OLFML2B: variants seen among roughly 807,000 people sequenced by gnomAD.
OLFML2B encodes the protein olfactomedin like 2B, also known as olfactomedin-like protein 2B.
Under a neutral mutation model 74.9 loss-of-function variants are expected in OLFML2B, and 57 were observed. That is an observed-to-expected ratio of 0.76 (90% CI 0.61 to 0.95). The LOEUF (loss-of-function observed/expected upper bound fraction) is 0.95. OLFML2B is among the 40% of genes least tolerant of loss of function. OLFML2B has a pLI of 0.00. For missense variants in OLFML2B, 986 were observed against 970.6 expected (o/e 1.02, Z -0.21); for synonymous variants, 388 against 405.8 (o/e 0.96, Z 0.53).
In OLFML2B at chr1:161,983,972, A is replaced by T. The variant is rs1689508663; in HGVS notation, c.1956T>A (p.Asn652Lys). The T allele has an allele frequency of 6.2e-7, 1 of 1,614,050 alleles. No individual in the cohort carries two copies. Among genetic ancestry groups the T allele is most frequent in the African/African-American group, 1.3e-5 (1 of 74,914 alleles). Residue 652 changes from asparagine (N) to lysine (K), a missense_variant, in exon 8 of 8, where the codon AAT (asparagine) becomes AAA (lysine). Coordinates refer to ENST00000294794, the MANE Select transcript of OLFML2B (RefSeq NM_015441.3). ...CCTTCTGTGTGCTCAGGTCCGCGGC[A>T]TTGAGCTTGCTCAGGACAATGACCT... Reference protein sequence around the residue: ...SQEVIVLSKLNAADLSTQKET... With the variant: ...SQEVIVLSKLKAADLSTQKET...
chr1:161,990,381 G>T (rs1469488180), intron 6 of OLFML2B, among the ~76,000 whole-genome samples: 2 of 152,106 alleles, frequency 1.3e-5, no homozygotes, highest in Non-Finnish European at 2.9e-5. Context: ...TTGTGGATTT[G>T]GTTCCAGACC....
At chr1:162,001,561 A>G (rs1263426840) in intron 4 of OLFML2B, among the ~76,000 whole-genome samples, 2 of 152,232 alleles carry the variant, frequency 1.3e-5, no homozygotes, top group East Asian at 3.8e-4. Context: ...GCCTGCCTCC[A>G]GAGCTTGTTT....
At position 161,984,070 on chromosome 1, in the gene OLFML2B, C is replaced by T. The variant is rs747630822; in HGVS notation, c.1858G>A (p.Val620Met). The T allele has an allele frequency of 1.1e-5, 18 of 1,613,780 alleles. No individual in the cohort carries two copies. The highest frequency in any genetic ancestry group is 6.7e-5 in the Admixed American group (4 of 59,988). Residue 620 changes from valine (V) to methionine (M), a missense_variant, in exon 8 of 8, where the codon GTG becomes ATG. Coordinates refer to ENST00000294794, the MANE Select transcript of OLFML2B (RefSeq NM_015441.3). ...CCATTCTCGTCCACAGCAAAGTCCA[C>T]GTCTGAGTGGCCCTGCCATCGCCAG... Reference protein sequence around the residue: ...TPWRWQGHSDVDFAVDENGLW... With the variant: ...TPWRWQGHSDMDFAVDENGLW...
intron 2 of OLFML2B, among the ~76,000 whole-genome samples, chr1:162,019,257 T>C (rs922924978): frequency 6.6e-6 from 1 of 152,212 alleles, no homozygotes; most frequent in African/African-American, 2.4e-5. Context: ...TATTACCACA[T>C]GTTATTCAAG....
intron 4 of OLFML2B, 64 bp downstream of exon 4, chr1:162,006,233 G>T: frequency 6.9e-7 from 1 of 1,447,824 alleles, no homozygotes; most frequent in Non-Finnish European, 9.2e-7. Context: ...CTATGCAGAG[G>T]AGAGATGCTG....
intron 4 of OLFML2B, among the ~76,000 whole-genome samples, chr1:162,002,467 T>C (rs114631841): frequency 0.01 from 1,526 of 152,350 alleles, 12 homozygotes; most frequent in Non-Finnish European, 0.016. Flanking sequence ...AGCTACTCCA[T>C]GTTGGCTGTA....
intron 3 of OLFML2B, among the ~76,000 whole-genome samples, chr1:162,010,261 T>C (rs886995157): frequency 3.3e-5 from 5 of 152,158 alleles, no homozygotes; most frequent in African/African-American, 1.2e-4. Context: ...GAGGTGTTCA[T>C]AGAACAAGTG....
chr1:161,988,794 C>T (rs954809571), intron 6 of OLFML2B, among the ~76,000 whole-genome samples: 1 of 152,070 alleles, frequency 6.6e-6, no homozygotes, highest in African/African-American at 2.4e-5. Flanking sequence ...TTCTGAGCAC[C>T]GTGAATCCAT....
At chr1:161,996,682 T>C (rs957248871) in intron 6 of OLFML2B, among the ~76,000 whole-genome samples, 1 of 152,272 alleles carries the variant, frequency 6.6e-6, no homozygotes, top group Non-Finnish European at 1.5e-5. Flanking sequence ...AAGACATTTG[T>C]AACTGGCTCC....
At chr1:161,991,721 G>A (rs935481794) in intron 6 of OLFML2B, among the ~76,000 whole-genome samples, 1 of 152,224 alleles carries the variant, frequency 6.6e-6, no homozygotes, top group Non-Finnish European at 1.5e-5. Flanking sequence ...TGGTGACAGA[G>A]CAAGATTCTG....
Position 161,994,294 on chromosome 1 carries a change from C to T in OLFML2B, c.1474+3531G>A, listed in dbSNP as rs2101953308. Among the ~76,000 whole-genome samples the T allele has an allele frequency of 2.6e-5, 4 of 152,384 alleles. No homozygotes were observed. The Middle Eastern group carries it at 0.014, about 518-fold the overall frequency. Reference sequence around the variant, plus strand: ...CTTGGGCTGCCCCAGACCAGCCTCCCTGACACGAGACAGGCAGGACTGGCC... The same window carrying T: ...CTTGGGCTGCCCCAGACCAGCCTCCTTGACACGAGACAGGCAGGACTGGCC... On this transcript the variant is annotated intron_variant, in intron 6 of 7. Coordinates refer to ENST00000294794, the MANE Select transcript of OLFML2B (RefSeq NM_015441.3).
In OLFML2B at chr1:162,017,384, C is replaced by T. The variant is rs749772260; in HGVS notation, c.546+16G>A. ...CTCAATCAAGAAAAAGATATAGAAA[C>T]CAGAATCTTCCTTACCTCCTCCAGT... On this transcript the variant is annotated intron_variant, in intron 3 of 7. Transcript: ENST00000294794. 28 of 1,595,100 alleles carry T rather than the reference C, an allele frequency of 1.8e-5. No individual in the cohort carries two copies. In the East Asian group the frequency reaches 5.8e-4, roughly 33 times the overall value.
intron 3 of OLFML2B, among the ~76,000 whole-genome samples, chr1:162,008,197 C>A (rs1690286757): frequency 6.6e-6 from 1 of 152,174 alleles, no homozygotes; most frequent in Admixed American, 6.5e-5. Context: ...AATACTAGCA[C>A]TTTTCCTATG....
At chr1:162,003,544 A>T (rs1450270792) in intron 4 of OLFML2B, among the ~76,000 whole-genome samples, 1 of 152,106 alleles carries the variant, frequency 6.6e-6, no homozygotes, top group Non-Finnish European at 1.5e-5. Flanking sequence ...ACTGGGCGGC[A>T]GCGGCCCCCT....
At chr1:162,012,848 G>T (rs1302200792) in intron 3 of OLFML2B, among the ~76,000 whole-genome samples, 3 of 152,176 alleles carry the variant, frequency 2.0e-5, no homozygotes, top group Non-Finnish European at 4.4e-5. Context: ...TTACAGAAAT[G>T]ACTGAAACCA....
chr1:161,999,558 T>G (rs1030443132), intron 5 of OLFML2B, among the ~76,000 whole-genome samples: 7 of 151,048 alleles, frequency 4.6e-5, no homozygotes, highest in South Asian at 2.1e-4. Flanking sequence ...CTGCTGGGAG[T>G]GCTGGGCAAG....
intron 6 of OLFML2B, among the ~76,000 whole-genome samples, chr1:161,990,104 C>T (rs1689694310): frequency 1.3e-5 from 2 of 152,272 alleles, no homozygotes; most frequent in East Asian, 3.9e-4. Context: ...AAGCTGAAGG[C>T]AGGGAGTGTT....
intron 3 of OLFML2B, among the ~76,000 whole-genome samples, chr1:162,010,122 G>T (rs1305662776): frequency 1.3e-5 from 2 of 152,238 alleles, no homozygotes; most frequent in East Asian, 3.9e-4. Context: ...GAAGAGGGAA[G>T]GGAAGAGGGA....
chr1:162,007,605 C>G lies in OLFML2B; in HGVS notation c.547-1132G>C, dbSNP rs138151557. 5.3e-5 allele frequency among the ~76,000 whole-genome samples: 8 copies of G among 152,308 alleles called. No homozygotes were observed. In the East Asian group the frequency reaches 1.5e-3, roughly 29 times the overall value. On this transcript the variant is annotated intron_variant, in intron 3 of 7. Transcript: ENST00000294794. Reference sequence around the variant, plus strand: ...GAGGATGTGTTTGCTTTCCATCTTTCTTTAACAAACAGACACAGGAAGTGT... The same window carrying G: ...GAGGATGTGTTTGCTTTCCATCTTTGTTTAACAAACAGACACAGGAAGTGT...
Sources: allele counts gnomAD v4.1 joint callset (sites outside exome capture counted in the v4.1 genomes callset), GRCh38; gene constraint gnomAD v4.1.1; transcripts MANE v1.5; gene names NCBI Gene and HGNC (gene_info 2026-07-23, HGNC 2026-07-21).